EMID1: variants seen among roughly 807,000 people sequenced by gnomAD.
The protein encoded by EMID1 is EMI domain containing 1.
In EMID1, 40 loss-of-function variants were observed where a neutral mutation model predicts 60.6. That is an observed-to-expected ratio of 0.66 (90% CI 0.51 to 0.86). EMID1 has a LOEUF of 0.86. Among genes scored for constraint, EMID1 ranks in the 40% least tolerant of loss-of-function variants. The pLI, the probability that EMID1 is intolerant of heterozygous loss-of-function variation, is 0.00. For synonymous variants in EMID1, 242 were observed against 231.0 expected (o/e 1.05, Z -0.43); for missense variants, 585 against 597.1 (o/e 0.98, Z 0.21).
At chr22:29,256,408 G>A (rs1048669792) in intron 14 of EMID1, among the ~76,000 whole-genome samples, 2 of 148,908 alleles carry the variant, frequency 1.3e-5, no homozygotes, top group African/African-American at 5.0e-5. Context: ...AGGTTGCAGT[G>A]AGCCGAGACC....
intron 14 of EMID1, chr22:29,254,943 C>T (rs1044582033): frequency 2.2e-5 from 5 of 231,928 alleles, no homozygotes; most frequent in Non-Finnish European, 4.2e-5. Context: ...GGCAGATCCT[C>T]CTGGTCCCAG....
Position 29,231,159 on chromosome 22 carries a change from C to T in EMID1, c.586+19C>T. On this transcript the variant is annotated intron_variant, in intron 6 of 14. Coordinates refer to ENST00000334018, the MANE Select transcript of EMID1 (RefSeq NM_133455.4). Reference sequence around the variant, plus strand: ...CTCCAGGGTGAGTGTCAGACTCAGACTCCCCTGTGGGAATGAGCAGTGGGT... The same window carrying T: ...CTCCAGGGTGAGTGTCAGACTCAGATTCCCCTGTGGGAATGAGCAGTGGGT... 2 of 1,583,518 alleles carry T rather than the reference C, an allele frequency of 1.3e-6. No homozygotes were observed. The highest frequency in any genetic ancestry group is 1.7e-6 in the Non-Finnish European group (2 of 1,167,066).
chr22:29,229,860 G>T (rs1192163352), intron 5 of EMID1, among the ~76,000 whole-genome samples: 1 of 152,098 alleles, frequency 6.6e-6, no homozygotes, highest in East Asian at 1.9e-4. Context: ...CTTTTCTCTG[G>T]ACAGGCCCCC....
intron 5 of EMID1, 102 bp from the exon 6 acceptor site, chr22:29,230,917 TG>T: frequency 6.8e-7 from 1 of 1,462,326 alleles, no homozygotes; most frequent in Non-Finnish European, 9.2e-7. Flanking sequence ...ATAGTACTAC[TG>T]CATTCTAGCC....
At chr22:29,255,258 C>T (rs1339804417) in intron 14 of EMID1, 16 of 1,443,774 alleles carry the variant, frequency 1.1e-5, no homozygotes, top group African/African-American at 1.4e-5. Context: ...TGCTCTTCTC[C>T]ATCTCCCATC....
At chr22:29,226,203 T>C (rs914947898) in intron 4 of EMID1, among the ~76,000 whole-genome samples, 2 of 152,212 alleles carry the variant, frequency 1.3e-5, no homozygotes, top group African/African-American at 2.4e-5. Context: ...TCTTGGCTTC[T>C]GGGAAAAGGG....
rs1392444135 is a variant in EMID1, at chr22:29,254,493, C to A, written c.1204+206C>A. ...ACGGGTGCAGGGGTGCCCTAGAAACCCGGGCCCTGCTGCTGTGGTCAGACC... is the reference window on the plus strand; with the variant it reads ...ACGGGTGCAGGGGTGCCCTAGAAACACGGGCCCTGCTGCTGTGGTCAGACC... On this transcript the variant is annotated intron_variant, in intron 14 of 14. Transcript: ENST00000334018. 6.9e-5 allele frequency: 39 copies of A among 564,188 alleles called. No individual in the cohort carries two copies. In the East Asian group the frequency reaches 1.2e-3, roughly 17 times the overall value. 34.9% of individuals were successfully genotyped at this position (564,188 alleles called of 1,614,324 possible).
intron 7 of EMID1, 78 bp downstream of exon 7, chr22:29,231,760 G>C: frequency 7.4e-7 from 1 of 1,342,908 alleles, no homozygotes; most frequent in South Asian, 1.7e-5. Context: ...CTCCTGACAT[G>C]GCCAGGATGA....
chr22:29,223,834 A>G (rs1468868889), intron 3 of EMID1, among the ~76,000 whole-genome samples: 3 of 152,248 alleles, frequency 2.0e-5, no homozygotes, highest in African/African-American at 7.2e-5. Flanking sequence ...AGTTAAGACT[A>G]TGTATGTGAA....
At chr22:29,236,796 C>CTT (rs766501288) in intron 12 of EMID1, among the ~76,000 whole-genome samples, 5 of 145,818 alleles carry the variant, frequency 3.4e-5, no homozygotes, top group Non-Finnish European at 7.6e-5. Flanking sequence ...TCTTTTTTTT[C>CTT]TTTTTTTTTT....
chr22:29,206,253 G>A (rs990679253), intron 1 of EMID1, 114 bp downstream of exon 1: 2 of 841,804 alleles, frequency 2.4e-6, no homozygotes, highest in Admixed American at 4.5e-5. Context: ...GCCCGGGTGA[G>A]GGCAGGGACA....
chr22:29,232,228 C>T, intron 7 of EMID1, 28 bp from the exon 8 acceptor site: 2 of 1,611,296 alleles, frequency 1.2e-6, no homozygotes, highest in Non-Finnish European at 1.7e-6. Context: ...CTCCTGTATA[C>T]CCACAAATCC....
At chr22:29,256,113 CTCGCA>C (rs2041696703) in intron 14 of EMID1, among the ~76,000 whole-genome samples, 1 of 152,162 alleles carries the variant, frequency 6.6e-6, no homozygotes, top group Non-Finnish European at 1.5e-5. Flanking sequence ...GCCGCCCTAT[CTCGCA>C]GCCCAGTGAG....
At chr22:29,222,863 G>A (rs1215661297) in intron 3 of EMID1, among the ~76,000 whole-genome samples, 1 of 152,100 alleles carries the variant, frequency 6.6e-6, no homozygotes, top group Non-Finnish European at 1.5e-5. Flanking sequence ...AGGCCAAGGC[G>A]GGTGGATCAC....
intron 3 of EMID1, among the ~76,000 whole-genome samples, chr22:29,223,052 C>T (rs1030625788): frequency 6.6e-6 from 1 of 152,172 alleles, no homozygotes; most frequent in Admixed American, 6.5e-5. Flanking sequence ...GATTGCACCA[C>T]TGCACTCCAG....
chr22:29,228,049 G>A (rs941831113), intron 5 of EMID1, among the ~76,000 whole-genome samples: 2 of 151,662 alleles, frequency 1.3e-5, no homozygotes, highest in African/African-American at 2.4e-5. Context: ...CCAGCTACTC[G>A]GGAGGCTGAG....
Position 29,232,346 on chromosome 22 carries a change from GC to G in EMID1, c.773del (p.Pro258LeufsTer65), listed in dbSNP as rs2040781726. ...RGPPGPPGPP[G>X]PPGPPAPVGP... ...CCTCCTGGGCCACCAGGGCCTCCTG[GC>G]CCCCCTGGGCCCCCAGCCCCTGTTG... is the stretch of plus-strand genomic sequence containing the variant. On this transcript the variant is annotated frameshift_variant, in exon 8 of 15. Transcript: ENST00000334018. LOFTEE classifies it high-confidence loss of function. 2 of 1,605,722 alleles carry G rather than the reference GC, an allele frequency of 1.2e-6. No individual in the cohort carries two copies. The highest frequency in any genetic ancestry group is 1.7e-6 in the Non-Finnish European group (2 of 1,176,860).
chr22:29,245,380 G>A (rs761459144), intron 13 of EMID1, among the ~76,000 whole-genome samples: 4 of 152,180 alleles, frequency 2.6e-5, no homozygotes, highest in Non-Finnish European at 4.4e-5. Context: ...GTCCCTTCAT[G>A]AGAATCCCCG....
intron 1 of EMID1, among the ~76,000 whole-genome samples, chr22:29,211,123 G>A (rs1335267841): frequency 6.6e-6 from 1 of 152,196 alleles, no homozygotes; most frequent in Non-Finnish European, 1.5e-5. Context: ...CAGTGTGTGT[G>A]CAAGTGTGAA....
Sources: allele counts gnomAD v4.1 joint callset (sites outside exome capture counted in the v4.1 genomes callset), GRCh38; gene constraint gnomAD v4.1.1; transcripts MANE v1.5; gene names NCBI Gene and HGNC (gene_info 2026-07-23, HGNC 2026-07-21).